Variants in ZNF385D observed in about 807,000 individuals in gnomAD.
ZNF385D encodes the protein zinc finger protein 385D.
Under a neutral mutation model 35.8 loss-of-function variants are expected in ZNF385D, and 15 were observed. The ratio of observed to expected loss-of-function variants is 0.42; its 90% confidence interval spans 0.28 to 0.64. The LOEUF is 0.64. Ranked by LOEUF, ZNF385D falls within the 30% of genes least tolerant of loss-of-function variation. ZNF385D has a pLI of 0.23. For missense variants in ZNF385D, 474 were observed against 494.6 expected (o/e 0.96, Z 0.39); for synonymous variants, 212 against 186.8 (o/e 1.13, Z -1.10).
At chr3:21,907,768 A>G (rs1352216344) in intron 3 of ZNF385D, among the ~76,000 whole-genome samples, 2 of 152,030 alleles carry the variant, frequency 1.3e-5, no homozygotes, top group East Asian at 1.9e-4. Flanking sequence ...AGAAAGGACA[A>G]TTTTTCCAGT....
At chr3:21,440,771 T>C (rs1701819212) in intron 4 of ZNF385D, among the ~76,000 whole-genome samples, 1 of 152,164 alleles carries the variant, frequency 6.6e-6, no homozygotes, top group Non-Finnish European at 1.5e-5. Context: ...AACAGAATTA[T>C]AACCAGTCAA....
chr3:21,742,446 G>C (rs1311293942), intron 1 of ZNF385D, among the ~76,000 whole-genome samples: 1 of 152,182 alleles, frequency 6.6e-6, no homozygotes, highest in African/African-American at 2.4e-5. Flanking sequence ...CTCTCTGCAG[G>C]TCTTTGGCCA....
At chr3:21,906,050 C>T (rs1022390830) in intron 3 of ZNF385D, among the ~76,000 whole-genome samples, 4 of 152,292 alleles carry the variant, frequency 2.6e-5, no homozygotes, top group Non-Finnish European at 5.9e-5. Context: ...TCAATTTCTT[C>T]TGCTTAGAAA....
At chr3:21,630,451 C>T (rs760606106) in intron 2 of ZNF385D, among the ~76,000 whole-genome samples, 5 of 151,974 alleles carry the variant, frequency 3.3e-5, no homozygotes, top group South Asian at 2.1e-4. Context: ...GTGATCTGCC[C>T]GCTTCAACCT....
At chr3:21,740,748 C>G (rs143935799) in intron 1 of ZNF385D, among the ~76,000 whole-genome samples, 1,950 of 152,260 alleles carry the variant, frequency 0.013, 38 homozygotes, top group African/African-American at 0.044. Context: ...CCTAGGTGAC[C>G]TGGGGCAATG....
At chr3:22,213,292 G>C (rs1033044689) in intron 2 of ZNF385D, among the ~76,000 whole-genome samples, 49 of 151,852 alleles carry the variant, frequency 3.2e-4, no homozygotes, top group Non-Finnish European at 2.9e-5. Flanking sequence ...TTTTTGTTTT[G>C]TATTTTTTAT....
At chr3:21,904,356 T>G (rs1699567717) in intron 3 of ZNF385D, among the ~76,000 whole-genome samples, 1 of 151,748 alleles carries the variant, frequency 6.6e-6, no homozygotes, top group Non-Finnish European at 1.5e-5. Context: ...AATATGCATT[T>G]TAACTATGAA....
intron 3 of ZNF385D, among the ~76,000 whole-genome samples, chr3:21,798,563 G>A (rs1459178293): frequency 6.6e-6 from 1 of 152,132 alleles, no homozygotes; most frequent in East Asian, 1.9e-4. Context: ...AATTAGGTCA[G>A]TCCCACCAGG....
At chr3:22,339,764 C>T (rs777840512) in intron 2 of ZNF385D, among the ~76,000 whole-genome samples, 2 of 152,280 alleles carry the variant, frequency 1.3e-5, no homozygotes, top group East Asian at 3.9e-4. Context: ...TATCTTGAAA[C>T]ATCACCAAAA....
intron 3 of ZNF385D, among the ~76,000 whole-genome samples, chr3:21,843,028 T>C (rs900144231): frequency 6.6e-6 from 1 of 152,058 alleles, no homozygotes; most frequent in African/African-American, 2.4e-5. Flanking sequence ...TGAAATAGTT[T>C]AGCATAAAAG....
At chr3:21,820,726 G>A (rs2073360401) in intron 3 of ZNF385D, among the ~76,000 whole-genome samples, 1 of 150,966 alleles carries the variant, frequency 6.6e-6, no homozygotes, top group African/African-American at 2.4e-5. Context: ...TTTCAGGAAT[G>A]AATAAAAAAG....
At chr3:21,859,566 T>C (rs149633066) in intron 3 of ZNF385D, among the ~76,000 whole-genome samples, 1 of 151,980 alleles carries the variant, frequency 6.6e-6, no homozygotes, top group Admixed American at 6.5e-5. Context: ...GCATGTCTCA[T>C]GCCATGTCAA....
chr3:22,327,333 T>C (rs1694725332), intron 2 of ZNF385D, among the ~76,000 whole-genome samples: 1 of 151,924 alleles, frequency 6.6e-6, no homozygotes, highest in Non-Finnish European at 1.5e-5. Flanking sequence ...AAATGTAAAT[T>C]TTCTAAATTA....
At chr3:21,649,853 G>A (rs2065861147) in intron 2 of ZNF385D, among the ~76,000 whole-genome samples, 2 of 152,026 alleles carry the variant, frequency 1.3e-5, no homozygotes, top group Admixed American at 1.3e-4. Context: ...AAGTGTATTG[G>A]TTTCTTTTGC....
intron 2 of ZNF385D, among the ~76,000 whole-genome samples, chr3:21,584,254 C>A (rs565291535): frequency 6.6e-6 from 1 of 152,152 alleles, no homozygotes; most frequent in Non-Finnish European, 1.5e-5. Context: ...GCTGGGATTA[C>A]AGCCGTGAGC....
At chr3:22,085,791 T>C (rs972519212) in intron 3 of ZNF385D, among the ~76,000 whole-genome samples, 2 of 152,184 alleles carry the variant, frequency 1.3e-5, no homozygotes, top group Non-Finnish European at 1.5e-5. Context: ...TGAACATCAA[T>C]GCAAAAATCC....
chr3:21,487,027 C>T (rs953324201), intron 4 of ZNF385D, among the ~76,000 whole-genome samples: 15 of 152,082 alleles, frequency 9.9e-5, no homozygotes, highest in African/African-American at 3.4e-4. Flanking sequence ...CAGGGTCCCA[C>T]ATGTGGTATC....
At chr3:21,681,542 A>C (rs2066908090) in intron 1 of ZNF385D, among the ~76,000 whole-genome samples, 1 of 151,916 alleles carries the variant, frequency 6.6e-6, no homozygotes, top group African/African-American at 2.4e-5. Flanking sequence ...CTCTCAAATA[A>C]ATCTGTTTTA....
intron 3 of ZNF385D, among the ~76,000 whole-genome samples, chr3:21,786,865 T>TC (rs1215063960): frequency 2.6e-5 from 4 of 152,212 alleles, no homozygotes; most frequent in African/African-American, 9.6e-5. Flanking sequence ...AAATATACTT[T>TC]CCTAAGCCCA....
Sources: allele counts gnomAD v4.1 joint callset (sites outside exome capture counted in the v4.1 genomes callset), GRCh38; gene constraint gnomAD v4.1.1; transcripts MANE v1.5; gene names NCBI Gene and HGNC (gene_info 2026-07-23, HGNC 2026-07-21).